The following PKHD1 variants were observed in gnomAD, a reference collection of about 807,000 sequenced individuals.
PKHD1 encodes the protein PKHD1 ciliary IPT domain containing fibrocystin/polyductin, also known as fibrocystin.
In PKHD1, 291 loss-of-function variants were observed where a neutral mutation model predicts 412.0. That is an observed-to-expected ratio of 0.71 (90% CI 0.64 to 0.78). The LOEUF is 0.78. Among genes scored for constraint, PKHD1 ranks in the 30% least tolerant of loss-of-function variants. PKHD1 has a pLI of 0.00. For missense variants in PKHD1, 4,825 were observed against 4,950.7 expected (o/e 0.97, Z 0.76); for synonymous variants, 1,777 against 1,821.5 (o/e 0.98, Z 0.62).
chr6:51,863,844 C>T (rs774243716), intron 48 of PKHD1, among the ~76,000 whole-genome samples: 15 of 152,130 alleles, frequency 9.9e-5, no homozygotes, highest in Admixed American at 2.0e-4. Context: ...TGGGGGCAGT[C>T]CACTATTTTT....
chr6:51,659,512 G>A lies in PKHD1; in HGVS notation c.10614C>T (p.Ile3538=), dbSNP rs1348569812. The A allele has an allele frequency of 1.2e-6, 2 of 1,613,354 alleles. No homozygotes were observed. The highest frequency in any genetic ancestry group is 2.7e-5 in the African/African-American group (2 of 74,866). The change falls in exon 61 of 67, where the codon ATC becomes ATT. Residue 3538 remains isoleucine (I), a synonymous_variant. Transcript: ENST00000371117. ...GGACAACATACAAGAGGTTATCCATGATGTTGAAATAGTTGGCACCAATAG... is the reference window on the plus strand; with the variant it reads ...GGACAACATACAAGAGGTTATCCATAATGTTGAAATAGTTGGCACCAATAG... ...NESIGANYFN[I]MDNLLYVVLQ...
chr6:52,072,450 T>C (rs1240536907), intron 7 of PKHD1, among the ~76,000 whole-genome samples: 1 of 152,166 alleles, frequency 6.6e-6, no homozygotes, highest in Non-Finnish European at 1.5e-5. Flanking sequence ...ACACTGGCTA[T>C]ATTGATTCTA....
At chr6:52,027,528 G>A (rs1489179558) in intron 31 of PKHD1, among the ~76,000 whole-genome samples, 7 of 78,252 alleles carry the variant, frequency 8.9e-5, no homozygotes, top group Admixed American at 6.8e-4. Flanking sequence ...GCGAAACTCC[G>A]TCTCAAAAAA....
intron 52 of PKHD1, among the ~76,000 whole-genome samples, chr6:51,801,997 G>T (rs924598830): frequency 6.6e-6 from 1 of 152,120 alleles, no homozygotes; most frequent in Non-Finnish European, 1.5e-5. Context: ...TATCAGATCA[G>T]TCCTCTGCAT....
intron 60 of PKHD1, among the ~76,000 whole-genome samples, chr6:51,688,952 C>T (rs960056406): frequency 6.6e-6 from 1 of 152,104 alleles, no homozygotes; most frequent in African/African-American, 2.4e-5. Flanking sequence ...TCTACTGAAA[C>T]AATTCCAAAA....
chr6:51,919,261 G>A (rs948380537), intron 37 of PKHD1, among the ~76,000 whole-genome samples: 3 of 152,048 alleles, frequency 2.0e-5, no homozygotes, highest in Non-Finnish European at 4.4e-5. Context: ...TATGGTTTTA[G>A]GTCTAACATT....
intron 52 of PKHD1, among the ~76,000 whole-genome samples, chr6:51,812,615 G>C (rs1764865818): frequency 6.6e-6 from 1 of 152,164 alleles, no homozygotes; most frequent in Non-Finnish European, 1.5e-5. Context: ...AGCAGGTCCT[G>C]AAAGTATCAA....
Position 51,775,953 on chromosome 6 carries a change from C to G in PKHD1, c.8441-32G>C, listed in dbSNP as rs3920621. ...ACAAAGAAAAGTATATCATTCAAATCAATTTGAAATTAAAAGAAAGAGAGG... is the reference window on the plus strand; with the variant it reads ...ACAAAGAAAAGTATATCATTCAAATGAATTTGAAATTAAAAGAAAGAGAGG... On this transcript the variant is annotated intron_variant, in intron 53 of 66. Coordinates refer to ENST00000371117, the MANE Select transcript of PKHD1 (RefSeq NM_138694.4). The G allele has an allele frequency of 0.41, 408,333 of 984,000 alleles. 91,448 individuals carry two copies. Among genetic ancestry groups the G allele is most frequent in the East Asian group, 0.64 (26,624 of 41,746 alleles). 61.0% of individuals were successfully genotyped at this position (984,000 alleles called of 1,614,324 possible). A position where few individuals can be genotyped will look rare whatever the true frequency, so the allele number is the denominator to read the frequency against.
chr6:51,652,223 G>A (rs1438582614), intron 61 of PKHD1, among the ~76,000 whole-genome samples: 3 of 151,912 alleles, frequency 2.0e-5, no homozygotes, highest in Non-Finnish European at 4.4e-5. Context: ...GCAGGCTATA[G>A]GAGAAAAGTC....
At chr6:51,938,708 G>A (rs1004783395) in intron 36 of PKHD1, among the ~76,000 whole-genome samples, 1 of 151,556 alleles carries the variant, frequency 6.6e-6, no homozygotes, top group Non-Finnish European at 1.5e-5. Flanking sequence ...CCATGACTCA[G>A]ATCAGGGAAC....
chr6:51,818,318 T>C (rs187312098), intron 52 of PKHD1, among the ~76,000 whole-genome samples: 1 of 152,330 alleles, frequency 6.6e-6, no homozygotes, highest in African/African-American at 2.4e-5. Context: ...ATATTCATAC[T>C]TTTTCCATAA....
intron 60 of PKHD1, among the ~76,000 whole-genome samples, chr6:51,668,573 C>T (rs1304154864): frequency 6.6e-6 from 1 of 152,206 alleles, no homozygotes; most frequent in South Asian, 2.1e-4. Flanking sequence ...CCAGAACTTC[C>T]AACACTATGT....
intron 52 of PKHD1, among the ~76,000 whole-genome samples, chr6:51,817,751 C>T (rs1417982510): frequency 6.6e-6 from 1 of 152,168 alleles, no homozygotes; most frequent in African/African-American, 2.4e-5. Flanking sequence ...TCTGGAGCTT[C>T]CCTGGACACA....
At chr6:51,934,474 G>A (rs146870680) in intron 36 of PKHD1, 152 bp from the exon 37 acceptor site, 42 of 675,432 alleles carry the variant, frequency 6.2e-5, no homozygotes, top group Non-Finnish European at 1.0e-4. Context: ...GCACAGTAGG[G>A]TAGACCAGAC....
chr6:51,780,893 A>C (rs960079586), intron 53 of PKHD1, among the ~76,000 whole-genome samples: 9 of 152,206 alleles, frequency 5.9e-5, no homozygotes, highest in Non-Finnish European at 1.0e-4. Flanking sequence ...AAAGCAACAA[A>C]TTGTATTTTT....
intron 46 of PKHD1, among the ~76,000 whole-genome samples, chr6:51,874,243 G>A (rs1437017902): frequency 2.6e-5 from 4 of 151,508 alleles, no homozygotes; most frequent in Non-Finnish European, 5.9e-5. Flanking sequence ...CAGATACTTC[G>A]ATAAGTAGGG....
chr6:51,951,235 G>C (rs1309992042), intron 36 of PKHD1, among the ~76,000 whole-genome samples: 2 of 151,916 alleles, frequency 1.3e-5, no homozygotes, highest in Non-Finnish European at 2.9e-5. Flanking sequence ...AAAGCTTCTA[G>C]CATTTAAGTG....
chr6:52,058,569 A>G lies in PKHD1; in HGVS notation c.1266T>C (p.Ala422=), dbSNP rs753369382. The G allele has an allele frequency of 6.2e-7, 1 of 1,614,164 alleles. No homozygotes were observed. The highest frequency in any genetic ancestry group is 1.1e-5 in the South Asian group (1 of 91,084). Residue 422 remains alanine (A), a synonymous_variant, in exon 16 of 67, where the codon GCT becomes GCC. Coordinates refer to ENST00000371117, the MANE Select transcript of PKHD1 (RefSeq NM_138694.4). ...TCTGCTCCCAGGAGTCAAACCAGTC[A>G]GCAGTGCCGACGCTGATGGAGGCCA... ...VKVASISVGT[A]DWFDSWEQNR...
At chr6:51,657,972 C>T (rs1772168132) in intron 61 of PKHD1, among the ~76,000 whole-genome samples, 1 of 151,956 alleles carries the variant, frequency 6.6e-6, no homozygotes, top group Non-Finnish European at 1.5e-5. Flanking sequence ...TGTATGTATA[C>T]TTATAATATA....
Sources: allele counts gnomAD v4.1 joint callset (sites outside exome capture counted in the v4.1 genomes callset), GRCh38; gene constraint gnomAD v4.1.1; transcripts MANE v1.5; gene names NCBI Gene and HGNC (gene_info 2026-07-23, HGNC 2026-07-21).